The following MYLK3 variants were observed in gnomAD, a reference collection of about 807,000 sequenced individuals.
The protein encoded by MYLK3 is myosin light chain kinase 3, also known as MLC kinase.
A neutral mutation model predicts 76.3 loss-of-function variants in MYLK3; 55 were observed. The observed-to-expected ratio is 0.72, with a 90% CI of 0.58 to 0.90. The LOEUF (loss-of-function observed/expected upper bound fraction) is 0.90, where lower values mean the gene tolerates loss of function less well. Ranked by LOEUF, MYLK3 falls within the 40% of genes least tolerant of loss-of-function variation. The pLI is 0.00. For synonymous variants in MYLK3, 416 were observed against 425.4 expected (o/e 0.98, Z 0.27); for missense variants, 973 against 1,053.6 (o/e 0.92, Z 1.06).
chr16:46,753,602 C>T (rs1463431364), intron 1 of MYLK3, among the ~76,000 whole-genome samples: 1 of 152,130 alleles, frequency 6.6e-6, no homozygotes, highest in Non-Finnish European at 1.5e-5. Context: ...AAATGAGAAA[C>T]AGAAAGTTTC....
chr16:46,716,385 A>G (rs966705809), intron 9 of MYLK3, among the ~76,000 whole-genome samples: 3 of 151,748 alleles, frequency 2.0e-5, no homozygotes, highest in African/African-American at 7.3e-5. Context: ...ATATGTATAT[A>G]TATATAGCCC....
intron 1 of MYLK3, among the ~76,000 whole-genome samples, chr16:46,741,491 G>T (rs1430292713): frequency 6.6e-6 from 1 of 152,228 alleles, no homozygotes; most frequent in Non-Finnish European, 1.5e-5. Flanking sequence ...AGAGCATGGT[G>T]CTTCTGGGGT....
chr16:46,707,840 G>T, intron 12 of MYLK3, 77 bp from the exon 13 acceptor site: 1 of 1,051,546 alleles, frequency 9.5e-7, no homozygotes, highest in Non-Finnish European at 1.4e-6. Flanking sequence ...AACAATAAAA[G>T]GATTTAAGTG....
At chr16:46,758,593 A>G (rs535885981) in intron 1 of MYLK3, among the ~76,000 whole-genome samples, 11 of 152,248 alleles carry the variant, frequency 7.2e-5, no homozygotes, top group Admixed American at 6.5e-4. Flanking sequence ...TTCCAACACC[A>G]TGCTCATCAC....
chr16:46,731,875 G>T (rs752188397), intron 4 of MYLK3, among the ~76,000 whole-genome samples: 1 of 152,114 alleles, frequency 6.6e-6, no homozygotes, highest in Non-Finnish European at 1.5e-5. Context: ...AGGATCACTT[G>T]AACCTGGGTC....
At chr16:46,758,201 C>G (rs1290008007) in intron 1 of MYLK3, among the ~76,000 whole-genome samples, 1 of 151,356 alleles carries the variant, frequency 6.6e-6, no homozygotes, top group Non-Finnish European at 1.5e-5. Context: ...CTTCCCAAAG[C>G]GCCTGGGAGA....
chr16:46,759,479 A>G (rs1967247596), intron 1 of MYLK3, among the ~76,000 whole-genome samples: 2 of 152,170 alleles, frequency 1.3e-5, no homozygotes, highest in South Asian at 4.1e-4. Flanking sequence ...TTCTAGGAGG[A>G]AAAAACTGTT....
chr16:46,753,027 C>T (rs1205143953), upstream of MYLK3, among the ~76,000 whole-genome samples: 1 of 152,134 alleles, frequency 6.6e-6, no homozygotes, highest in African/African-American at 2.4e-5. Context: ...ATGGAAGGGG[C>T]CATTGGTGAA....
chr16:46,748,336 G>T lies in MYLK3; in HGVS notation c.-143C>A, dbSNP rs907871927. 5 of 1,417,358 alleles carry T rather than the reference G, an allele frequency of 3.5e-6. No individual in the cohort carries two copies. The highest frequency in any genetic ancestry group is 4.6e-6 in the Non-Finnish European group (5 of 1,083,590). The allele number at this position is 1,417,358 out of a possible 1,614,324, so 87.8% of individuals were successfully genotyped here. A position where few individuals can be genotyped will look rare whatever the true frequency, so the allele number is the denominator to read the frequency against. On this transcript the variant is annotated 5_prime_UTR_variant, in exon 1 of 13. Transcript: ENST00000394809. This position sits in a 1 kb window ranked among gnomAD's most constrained non-coding sequence, Gnocchi z 4.3. The stretch of plus-strand genomic sequence containing the variant: ...GCAGCACCAACCTCCACGATGGCCT[G>T]GGCTGTGTGAGGAGCGCAGAGGCCC...
intron 3 of MYLK3, among the ~76,000 whole-genome samples, chr16:46,735,280 A>G (rs966327292): frequency 2.6e-5 from 4 of 152,236 alleles, no homozygotes; most frequent in Admixed American, 2.6e-4. Context: ...ATCTTGGCTC[A>G]CCGCAACCTC....
At chr16:46,736,044 G>T (rs527997631) in intron 3 of MYLK3, among the ~76,000 whole-genome samples, 154 of 152,236 alleles carry the variant, frequency 1.0e-3, no homozygotes, top group Non-Finnish European at 1.8e-3. Context: ...GTCTCACTTT[G>T]TCTCCCAGGC....
At chr16:46,710,848 G>T (rs1477632730) in intron 10 of MYLK3, 59 bp from the exon 11 acceptor site, 18 of 1,599,784 alleles carry the variant, frequency 1.1e-5, no homozygotes, top group Non-Finnish European at 1.4e-5. Context: ...ACATGCATTG[G>T]CAGAATAGAG....
rs1240985331 is a variant in MYLK3 at position 46,730,576 on chromosome 16, G to C, written c.1568+17C>G. 6.2e-7 allele frequency: 1 copy of C among 1,608,816 alleles called. No individual in the cohort carries two copies. On this transcript the variant is annotated intron_variant, in intron 5 of 12. Transcript: ENST00000394809. ...CTCCTGCTCTAAGCCCCCCAACCAA[G>C]GCAGATGCCCACCTACCCTCCCAAG...
At chr16:46,721,292 C>T in intron 8 of MYLK3, 99 bp from the exon 9 acceptor site, 1 of 1,132,688 alleles carries the variant, frequency 8.8e-7, no homozygotes, top group South Asian at 1.2e-5. Flanking sequence ...CTTCAAGGGA[C>T]ATGAATGGCT....
In MYLK3 at chr16:46,703,008, G is replaced by A. The variant is rs1966591475; in HGVS notation, c.*4696C>T. 6.6e-6 allele frequency among the ~76,000 whole-genome samples: 1 copy of A among 150,874 alleles called. No individual in the cohort carries two copies. The highest frequency in any genetic ancestry group is 3.2e-3 in the Middle Eastern group (1 of 310). ...AGGTTCAGAAAGATAAATGAAAAGT[G>A]GAATTCCCCCTCTCCCAATCACCCA... On this transcript the variant is annotated 3_prime_UTR_variant, in exon 13 of 13. Coordinates refer to ENST00000394809, the MANE Select transcript of MYLK3 (RefSeq NM_182493.3).
upstream of MYLK3, among the ~76,000 whole-genome samples, chr16:46,749,834 A>G (rs572252367): frequency 6.6e-6 from 1 of 152,340 alleles, no homozygotes; most frequent in East Asian, 1.9e-4. Context: ...CAGCTTGACC[A>G]CAACCTTCTC....
At chr16:46,723,159 C>G (rs1413912393) in intron 8 of MYLK3, among the ~76,000 whole-genome samples, 1 of 152,008 alleles carries the variant, frequency 6.6e-6, no homozygotes, top group Non-Finnish European at 1.5e-5. Flanking sequence ...CTTCCCACCC[C>G]ATGGCAATCA....
intron 1 of MYLK3, among the ~76,000 whole-genome samples, chr16:46,762,477 C>CG (rs1287980845): frequency 6.6e-6 from 1 of 152,102 alleles, no homozygotes; most frequent in African/African-American, 2.4e-5. Context: ...AATAGACTCC[C>CG]GCAGGACCCC....
chr16:46,758,421 G>A (rs1006659193), intron 1 of MYLK3, among the ~76,000 whole-genome samples: 2 of 151,992 alleles, frequency 1.3e-5, no homozygotes, highest in Non-Finnish European at 2.9e-5. Flanking sequence ...CGCACTCACA[G>A]CCCCTGCGCT....
Sources: allele counts gnomAD v4.1 joint callset (sites outside exome capture counted in the v4.1 genomes callset), GRCh38; gene constraint gnomAD v4.1.1; non-coding constraint Gnocchi (gnomAD v3.1); transcripts MANE v1.5; gene names NCBI Gene and HGNC (gene_info 2026-07-23, HGNC 2026-07-21).